The following CSMD1 variants were observed in gnomAD, a reference collection of about 807,000 sequenced individuals.
CSMD1 encodes the protein CUB and sushi domain-containing protein 1.
CSMD1 carries 213 observed loss-of-function variants against 417.5 expected under a neutral mutation model. That is an observed-to-expected ratio of 0.51 (90% CI 0.46 to 0.57). The LOEUF (loss-of-function observed/expected upper bound fraction) is 0.57, where lower values mean the gene tolerates loss of function less well. CSMD1 is among the 20% of genes least tolerant of loss of function. The pLI is 0.00. For missense variants in CSMD1, 6,923 were observed against 4,529.7 expected (o/e 1.53, Z -15.17); for synonymous variants, 2,862 against 1,736.8 (o/e 1.65, Z -16.11).
chr8:3,989,529 G>T (rs959624355), intron 5 of CSMD1, among the ~76,000 whole-genome samples: 8 of 152,194 alleles, frequency 5.3e-5, no homozygotes, highest in Admixed American at 1.3e-4. Flanking sequence ...GTAGGATAAA[G>T]CACATGATCT....
intron 7 of CSMD1, among the ~76,000 whole-genome samples, chr8:3,648,588 T>C (rs1384107600): frequency 6.6e-6 from 1 of 152,168 alleles, no homozygotes; most frequent in African/African-American, 2.4e-5. Flanking sequence ...TTGTTTTGAT[T>C]TTAGAACAGA....
intron 50 of CSMD1, among the ~76,000 whole-genome samples, chr8:3,033,741 A>G (rs1329942613): frequency 6.6e-6 from 1 of 152,228 alleles, no homozygotes; most frequent in Non-Finnish European, 1.5e-5. Context: ...TGTTCTGCAC[A>G]TGATTCCCAG....
chr8:4,456,045 A>G (rs1372934469), intron 2 of CSMD1, among the ~76,000 whole-genome samples: 1 of 123,516 alleles, frequency 8.1e-6, no homozygotes, highest in Non-Finnish European at 1.7e-5. Flanking sequence ...AAGTTCTTCA[A>G]TACTATCATT....
At chr8:4,112,970 A>G (rs1339587013) in intron 3 of CSMD1, among the ~76,000 whole-genome samples, 1 of 152,150 alleles carries the variant, frequency 6.6e-6, no homozygotes, top group East Asian at 1.9e-4. Flanking sequence ...AATTCTTTCA[A>G]TATTTCAAAA....
At chr8:4,274,563 C>A (rs543079563) in intron 3 of CSMD1, among the ~76,000 whole-genome samples, 1 of 152,048 alleles carries the variant, frequency 6.6e-6, no homozygotes, top group South Asian at 2.1e-4. Context: ...TAGGGAAGGC[C>A]TTCTGTTCTT....
At chr8:2,985,910 AGAAGG>A (rs974865204) in intron 54 of CSMD1, among the ~76,000 whole-genome samples, 2 of 138,164 alleles carry the variant, frequency 1.4e-5, no homozygotes, top group Admixed American at 7.2e-5. Context: ...TCGAAAAGAA[AGAAGG>A]GAAGGGAAGG....
intron 1 of CSMD1, among the ~76,000 whole-genome samples, chr8:4,923,478 A>C (rs1216827895): frequency 6.6e-6 from 1 of 152,188 alleles, no homozygotes; most frequent in African/African-American, 2.4e-5. Flanking sequence ...CTGTGTCAAA[A>C]CATCTTATGT....
chr8:4,863,455 T>C (rs777168093), intron 1 of CSMD1, among the ~76,000 whole-genome samples: 1 of 152,112 alleles, frequency 6.6e-6, no homozygotes, highest in Non-Finnish European at 1.5e-5. Flanking sequence ...TTCTAGAACA[T>C]TCATTTTTAA....
intron 2 of CSMD1, among the ~76,000 whole-genome samples, chr8:4,593,429 G>A (rs1800089966): frequency 6.6e-6 from 1 of 152,090 alleles, no homozygotes; most frequent in African/African-American, 2.4e-5. Context: ...CATTCCAACT[G>A]AAATACCCTT....
At chr8:4,363,861 C>T (rs943497439) in intron 3 of CSMD1, among the ~76,000 whole-genome samples, 84 of 152,130 alleles carry the variant, frequency 5.5e-4, no homozygotes, top group African/African-American at 1.9e-3. Flanking sequence ...AACAATAGAA[C>T]TCATGGACAT....
intron 3 of CSMD1, among the ~76,000 whole-genome samples, chr8:4,278,677 G>T (rs143794782): frequency 6.6e-6 from 1 of 152,260 alleles, no homozygotes; most frequent in Non-Finnish European, 1.5e-5. Context: ...ATACCGAACA[G>T]TCTATAGCCA....
chr8:3,993,169 T>A (rs1282791956), intron 5 of CSMD1, among the ~76,000 whole-genome samples: 1 of 152,226 alleles, frequency 6.6e-6, no homozygotes, highest in East Asian at 1.9e-4. Flanking sequence ...GATGTTCACA[T>A]GAAGGAAGCT....
At chr8:4,427,045 G>A (rs753414408) in intron 2 of CSMD1, among the ~76,000 whole-genome samples, 15 of 152,108 alleles carry the variant, frequency 9.9e-5, no homozygotes, top group Non-Finnish European at 1.8e-4. Context: ...TGGTGTAGAC[G>A]GAACAGCCCC....
chr8:3,168,756 A>C lies in CSMD1; in HGVS notation c.5726-6479T>G, dbSNP rs191479617. 8.5e-5 allele frequency among the ~76,000 whole-genome samples: 13 copies of C among 152,310 alleles called. 1 individual carries two copies. The East Asian group carries it at 2.5e-3, about 29-fold the overall frequency. On this transcript the variant is annotated intron_variant, in intron 37 of 69. Transcript: ENST00000635120. ...TGGGAAATTTAGATTGTAGAGGTAA[A>C]AAGATTTTGTCTCATCTGTAAACTG...
At chr8:4,178,745 A>C (rs929270138) in intron 3 of CSMD1, among the ~76,000 whole-genome samples, 1 of 152,178 alleles carries the variant, frequency 6.6e-6, no homozygotes, top group African/African-American at 2.4e-5. Flanking sequence ...TCAGGATACA[A>C]AATCAATGTA....
chr8:3,636,948 T>G (rs1797081035), intron 7 of CSMD1, among the ~76,000 whole-genome samples: 1 of 152,158 alleles, frequency 6.6e-6, no homozygotes, highest in Admixed American at 6.5e-5. Context: ...ATTATTGAGA[T>G]GATGGATTGC....
chr8:4,146,936 C>T (rs978124637), intron 3 of CSMD1, among the ~76,000 whole-genome samples: 1 of 151,808 alleles, frequency 6.6e-6, no homozygotes, highest in Non-Finnish European at 1.5e-5. Context: ...TTAAGGAAGT[C>T]AACTCACCTC....
At chr8:3,996,247 T>C (rs191713719) in intron 5 of CSMD1, among the ~76,000 whole-genome samples, 1 of 152,300 alleles carries the variant, frequency 6.6e-6, no homozygotes, top group East Asian at 1.9e-4. Flanking sequence ...CCAATACCTC[T>C]GGACTGTCCT....
intron 51 of CSMD1, among the ~76,000 whole-genome samples, chr8:3,026,113 G>C (rs988184412): frequency 5.9e-5 from 9 of 152,038 alleles, no homozygotes; most frequent in African/African-American, 2.2e-4. Context: ...GATTTGGATG[G>C]GAACAGCCTG....
Sources: gnomAD v4.1 joint callset for allele counts (sites outside exome capture counted in the v4.1 genomes callset) on GRCh38, gnomAD v4.1.1 for gene constraint, MANE v1.5 for transcripts, NCBI Gene and HGNC (gene_info 2026-07-23, HGNC 2026-07-21) for gene names.